XYLB: variants seen among roughly 807,000 people sequenced by gnomAD.
XYLB encodes xylulose kinase.
Under a neutral mutation model 78.7 loss-of-function variants are expected in XYLB, and 62 were observed. The observed-to-expected ratio is 0.79, with a 90% CI of 0.64 to 0.97. The LOEUF (loss-of-function observed/expected upper bound fraction) is 0.97, where lower values mean the gene tolerates loss of function less well. Ranked by LOEUF, XYLB falls within the 50% of genes least tolerant of loss-of-function variation. The pLI, the probability that XYLB is intolerant of heterozygous loss-of-function variation, is 0.00. For synonymous variants in XYLB, 245 were observed against 247.4 expected (o/e 0.99, Z 0.09); for missense variants, 687 against 676.8 (o/e 1.02, Z -0.17).
chr3:38,416,912 G>A (rs1356527136), downstream of XYLB, among the ~76,000 whole-genome samples: 1 of 152,054 alleles, frequency 6.6e-6, no homozygotes, highest in African/African-American at 2.4e-5. Flanking sequence ...CATTGTTTCC[G>A]TTGTGTTACT....
chr3:38,442,443 A>G, the XYLB span, among the ~76,000 whole-genome samples: 12 of 152,292 alleles, frequency 7.9e-5, no homozygotes, highest in South Asian at 1.2e-3. Flanking sequence ...TTGGGGCAAG[A>G]CCGTCCACAT....
In XYLB at chr3:38,368,272, A is replaced by T. The variant is rs368873384; in HGVS notation, c.646+15A>T. 1 of 1,613,286 alleles carries T rather than the reference A, an allele frequency of 6.2e-7. No individual in the cohort carries two copies. Among genetic ancestry groups the T allele is most frequent in the African/African-American group, 1.3e-5 (1 of 74,876 alleles). Reference sequence around the variant, plus strand: ...CTACAGTGATGGTGAGCCTCGGGGTATGGGGTGGGTGCCTGGGCAGTGTGC... The same window carrying T: ...CTACAGTGATGGTGAGCCTCGGGGTTTGGGGTGGGTGCCTGGGCAGTGTGC... On this transcript the variant is annotated intron_variant, in intron 8 of 18. Transcript: ENST00000207870.
intron 2 of XYLB, among the ~76,000 whole-genome samples, chr3:38,358,022 A>G (rs1705757259): frequency 2.0e-5 from 3 of 151,408 alleles, no homozygotes; most frequent in Admixed American, 2.0e-4. Flanking sequence ...CTTTGAAGCA[A>G]TGTTTTTAAT....
chr3:38,399,048 C>G (rs1216215346), intron 17 of XYLB, among the ~76,000 whole-genome samples: 2 of 151,200 alleles, frequency 1.3e-5, no homozygotes, highest in Non-Finnish European at 3.0e-5. Context: ...CATCTCAAAA[C>G]AAAAAACAAA....
chr3:38,429,782 C>T, the XYLB span, among the ~76,000 whole-genome samples: 1 of 152,164 alleles, frequency 6.6e-6, no homozygotes, highest in African/African-American at 2.4e-5. Context: ...GTTCAATTCC[C>T]ACCTATGAGT....
At chr3:38,347,428 A>G (rs984735127) in intron 1 of XYLB, among the ~76,000 whole-genome samples, 6 of 152,208 alleles carry the variant, frequency 3.9e-5, no homozygotes, top group Admixed American at 3.3e-4. Flanking sequence ...CGGTAATCCC[A>G]GCACTTTGGG....
At position 38,366,819 on chromosome 3, in the gene XYLB, G is replaced by A. The variant is rs1202205893; in HGVS notation, c.519G>A (p.Gly173=). ...TGSRAYERFT[G]NQIAKIYQQN... ...TATTCCTTTTCCAGCGTTTTACAGG[G>A]AACCAAATTGCAAAAATTTACCAGC... The change falls in exon 7 of 19, where the codon GGG becomes GGA. Residue 173 remains glycine, a synonymous_variant. Coordinates refer to ENST00000207870, the MANE Select transcript of XYLB (RefSeq NM_005108.4). 6.2e-7 allele frequency: 1 copy of A among 1,612,832 alleles called. No individual in the cohort carries two copies. The highest frequency in any genetic ancestry group is 1.7e-5 in the Admixed American group (1 of 59,998).
chr3:38,426,600 T>G, the XYLB span, among the ~76,000 whole-genome samples: 1 of 152,216 alleles, frequency 6.6e-6, no homozygotes, highest in Non-Finnish European at 1.5e-5. Context: ...GACTGTGCTT[T>G]TAATTGGTGT....
chr3:38,416,920 A>G (rs374983821), downstream of XYLB, among the ~76,000 whole-genome samples: 19 of 152,198 alleles, frequency 1.2e-4, no homozygotes, highest in East Asian at 2.9e-3. Flanking sequence ...CCGTTGTGTT[A>G]CTTCTGCCTT....
the XYLB span, among the ~76,000 whole-genome samples, chr3:38,434,260 A>G: frequency 6.6e-6 from 1 of 152,196 alleles, no homozygotes; most frequent in African/African-American, 2.4e-5. Flanking sequence ...GGTCTCTTTC[A>G]CAGTACATTA....
At chr3:38,368,980 G>C (rs532316493) in intron 8 of XYLB, among the ~76,000 whole-genome samples, 2 of 152,322 alleles carry the variant, frequency 1.3e-5, no homozygotes, top group East Asian at 3.9e-4. Context: ...GTTGATGCCA[G>C]TGAGGAGGGA....
At chr3:38,373,845 T>A (rs1347259821) in intron 10 of XYLB, among the ~76,000 whole-genome samples, 1 of 152,150 alleles carries the variant, frequency 6.6e-6, no homozygotes, top group Non-Finnish European at 1.5e-5. Flanking sequence ...CCTTCAGCAA[T>A]CAAGGCAGAT....
chr3:38,451,806 T>G, the XYLB span: 2 of 151,708 alleles, frequency 1.3e-5, no homozygotes, highest in Admixed American at 1.3e-4. Flanking sequence ...TAGGTCAAAT[T>G]TGAGATGCCT....
intron 2 of XYLB, among the ~76,000 whole-genome samples, chr3:38,354,240 G>A (rs1705522948): frequency 6.6e-6 from 1 of 151,944 alleles, no homozygotes; most frequent in Non-Finnish European, 1.5e-5. Context: ...GCTAATTTTT[G>A]TATTTTTAGT....
chr3:38,418,576 G>C (rs1479706586), downstream of XYLB, among the ~76,000 whole-genome samples: 2 of 152,190 alleles, frequency 1.3e-5, no homozygotes, highest in African/African-American at 4.8e-5. Context: ...ATATACGACA[G>C]ATTGAATAGA....
the XYLB span, among the ~76,000 whole-genome samples, chr3:38,446,574 T>G: frequency 6.6e-6 from 1 of 152,108 alleles, no homozygotes; most frequent in East Asian, 1.9e-4. Context: ...AATAGACACA[T>G]AGACCAATGG....
rs541510366 is a variant in XYLB at position 38,404,502 on chromosome 3, T to A, written c.1533+3517T>A. ...CAGCTGCACCAAGAGTAGGCCCCAGTTGCATAATCAGTTGTTAAAATACTT... is the reference window on the plus strand; with the variant it reads ...CAGCTGCACCAAGAGTAGGCCCCAGATGCATAATCAGTTGTTAAAATACTT... On this transcript the variant is annotated intron_variant, in intron 18 of 18. Transcript: ENST00000207870. Among the ~76,000 whole-genome samples, 23 of 152,328 alleles carry A rather than the reference T, an allele frequency of 1.5e-4. No individual in the cohort carries two copies. The South Asian group carries it at 4.6e-3, about 30-fold the overall frequency.
At chr3:38,434,964 C>T in the XYLB span, among the ~76,000 whole-genome samples, 4 of 152,236 alleles carry the variant, frequency 2.6e-5, no homozygotes, top group South Asian at 2.1e-4. Flanking sequence ...AAAACCCCAT[C>T]GCCATATCAT....
At chr3:38,447,610 C>A in the XYLB span, among the ~76,000 whole-genome samples, 1 of 151,844 alleles carries the variant, frequency 6.6e-6, no homozygotes, top group African/African-American at 2.4e-5. Flanking sequence ...TGTGTCACCA[C>A]ATCTGGCCGA....
Sources: gnomAD v4.1 joint callset for allele counts (sites outside exome capture counted in the v4.1 genomes callset) on GRCh38, gnomAD v4.1.1 for gene constraint, MANE v1.5 for transcripts, NCBI Gene and HGNC (gene_info 2026-07-23, HGNC 2026-07-21) for gene names.